Variants in RAB3GAP2 observed in about 807,000 individuals in gnomAD.
The protein encoded by RAB3GAP2 is RAB3 GTPase activating non-catalytic protein subunit 2.
In RAB3GAP2, 87 loss-of-function variants were observed where a neutral mutation model predicts 185.3. The ratio of observed to expected loss-of-function variants is 0.47; its 90% confidence interval spans 0.39 to 0.56. The LOEUF is 0.56. RAB3GAP2 is among the 20% of genes least tolerant of loss of function. The pLI is 0.00. For synonymous variants in RAB3GAP2, 554 were observed against 576.1 expected, an observed-to-expected ratio of 0.96 and a Z score of 0.55; for missense variants, 1,492 against 1,638.2, an observed-to-expected ratio of 0.91 and a Z score of 1.54.
At chr1:220,159,359 A>G (rs770025551) in intron 29 of RAB3GAP2, 27 bp downstream of exon 29, 2 of 1,588,694 alleles carry the variant, frequency 1.3e-6, no homozygotes, top group African/African-American at 2.7e-5. Flanking sequence ...TAACAACCAT[A>G]ATTCTAGCTA....
chr1:220,267,336 G>A, intron 1 of RAB3GAP2: 1 of 1,072,896 alleles, frequency 9.3e-7, no homozygotes, highest in Non-Finnish European at 1.5e-6. Flanking sequence ...CATACAGTCT[G>A]ATTATATTAG....
chr1:220,254,443 C>T, intron 1 of RAB3GAP2: 2 of 1,613,196 alleles, frequency 1.2e-6, no homozygotes, highest in Non-Finnish European at 1.7e-6. Flanking sequence ...CAATTATCTT[C>T]ACGATTTCCT....
intron 8 of RAB3GAP2, among the ~76,000 whole-genome samples, chr1:220,205,060 C>T (rs974567396): frequency 1.3e-5 from 2 of 151,994 alleles, no homozygotes; most frequent in Non-Finnish European, 1.5e-5. Flanking sequence ...TAAGACTCTT[C>T]CATATTTTCA....
chr1:220,228,594 TCTTGAACAACCAGGATAA>T (rs1659444879), intron 2 of RAB3GAP2, among the ~76,000 whole-genome samples: 1 of 152,174 alleles, frequency 6.6e-6, no homozygotes, highest in Non-Finnish European at 1.5e-5. Flanking sequence ...AAAGAGGCTC[TCTTGAACAACCAGGATAA>T]CTTGAACAAC....
At chr1:220,232,772 A>C (rs780361128) in intron 2 of RAB3GAP2, 27 bp downstream of exon 2, 1 of 1,582,872 alleles carries the variant, frequency 6.3e-7, no homozygotes. Flanking sequence ...ACTATCAAAA[A>C]ACATGCATAT....
chr1:220,238,349 A>G (rs1392771571), intron 1 of RAB3GAP2, among the ~76,000 whole-genome samples: 1 of 152,202 alleles, frequency 6.6e-6, no homozygotes, highest in Non-Finnish European at 1.5e-5. Flanking sequence ...TGGCTACAGT[A>G]TAAGACAGCT....
intron 1 of RAB3GAP2, among the ~76,000 whole-genome samples, chr1:220,264,734 A>G (rs1398602522): frequency 6.6e-6 from 1 of 152,002 alleles, no homozygotes; most frequent in African/African-American, 2.4e-5. Flanking sequence ...TTTTCTCTCC[A>G]TCTGATGGAC....
At chr1:220,269,238 G>C (rs1423338941) in intron 1 of RAB3GAP2, among the ~76,000 whole-genome samples, 1 of 152,164 alleles carries the variant, frequency 6.6e-6, no homozygotes, top group Non-Finnish European at 1.5e-5. Context: ...AACAGTGAGG[G>C]CAAAAACCTT....
At position 220,272,275 on chromosome 1, in the gene RAB3GAP2, G is replaced by C; in HGVS notation, c.63C>G (p.Leu21=). The C allele has an allele frequency of 1.2e-6, 2 of 1,612,586 alleles. No individual in the cohort carries two copies. The highest frequency in any genetic ancestry group is 1.7e-6 in the Non-Finnish European group (2 of 1,179,712). The change falls in exon 1 of 35, where the codon CTC becomes CTG. Residue 21 remains leucine, a synonymous_variant. Transcript: ENST00000358951. ...GGATCTCCTCCCGCAGGTGAGGAAA[G>C]AGGAAGTCCCGGGCGGCCTGGAGGT... ...FQDLQAARDF[L]FPHLREEILS...
chr1:220,207,985 A>C (rs979087826), intron 7 of RAB3GAP2: 1 of 152,244 alleles, frequency 6.6e-6, no homozygotes, highest in Non-Finnish European at 1.5e-5. Flanking sequence ...AGTATATTAA[A>C]AAGAAGCAAA....
chr1:220,256,012 T>C (rs974708526), intron 1 of RAB3GAP2, among the ~76,000 whole-genome samples: 2 of 151,674 alleles, frequency 1.3e-5, no homozygotes, highest in African/African-American at 2.4e-5. Flanking sequence ...AAAGAAAAAA[T>C]GTTAAGGACA....
intron 9 of RAB3GAP2, 53 bp from the exon 10 acceptor site, chr1:220,196,451 A>G: frequency 6.7e-7 from 1 of 1,491,600 alleles, no homozygotes; most frequent in Non-Finnish European, 9.3e-7. Flanking sequence ...CGGTCATTAC[A>G]TTTTTACTTC....
intron 8 of RAB3GAP2, among the ~76,000 whole-genome samples, chr1:220,203,016 C>T (rs1173400148): frequency 2.6e-5 from 4 of 152,160 alleles, no homozygotes; most frequent in Non-Finnish European, 5.9e-5. Context: ...AGCAATTTCT[C>T]CCTCTTGACA....
intron 2 of RAB3GAP2, among the ~76,000 whole-genome samples, chr1:220,216,858 A>T (rs904983628): frequency 6.6e-6 from 1 of 152,122 alleles, no homozygotes; most frequent in African/African-American, 2.4e-5. Flanking sequence ...TAATCAGTAA[A>T]TCCTAAAAAT....
intron 1 of RAB3GAP2, among the ~76,000 whole-genome samples, chr1:220,249,336 C>A (rs1359339805): frequency 2.0e-5 from 3 of 152,066 alleles, no homozygotes; most frequent in Non-Finnish European, 4.4e-5. Context: ...AAGGAGATGA[C>A]AAACTTCTTG....
Position 220,210,430 on chromosome 1 carries a change from G to A in RAB3GAP2, c.570C>T (p.Cys190=). 1 of 1,614,078 alleles carries A rather than the reference G, an allele frequency of 6.2e-7. No homozygotes were observed. Among genetic ancestry groups the A allele is most frequent in the South Asian group, 1.1e-5 (1 of 91,084 alleles). The part of the protein sequence containing the change: ...LNEDPVLQLK[C]RTYEIPRHPG... ...GATGTCGTGGTATTTCATAGGTTCT[G>A]CATTTAAGTTGAAGTACTGGGTCCT... Residue 190 remains cysteine (C), a synonymous_variant, in exon 7 of 35, where the codon TGC becomes TGT. Transcript: ENST00000358951.
At chr1:220,202,524 T>C (rs1272864563) in intron 8 of RAB3GAP2, 150 bp from the exon 9 acceptor site, 14 of 822,952 alleles carry the variant, frequency 1.7e-5, no homozygotes, top group Non-Finnish European at 2.5e-5. Flanking sequence ...TGAGATTTAT[T>C]CACACCAAGA....
chr1:220,151,916 C>A, intron 33 of RAB3GAP2, 152 bp from the exon 34 acceptor site: 1 of 892,068 alleles, frequency 1.1e-6, no homozygotes, highest in Non-Finnish European at 1.7e-6. Flanking sequence ...AAATCCAAAT[C>A]AAACTTAGCA....
intron 2 of RAB3GAP2, among the ~76,000 whole-genome samples, chr1:220,226,062 G>A (rs1659396995): frequency 6.6e-6 from 1 of 152,100 alleles, no homozygotes; most frequent in Non-Finnish European, 1.5e-5. Flanking sequence ...AAAACAGATG[G>A]AGCACATTTC....
Sources: allele counts gnomAD v4.1 joint callset (sites outside exome capture counted in the v4.1 genomes callset), GRCh38; gene constraint gnomAD v4.1.1; transcripts MANE v1.5; gene names NCBI Gene and HGNC (gene_info 2026-07-23, HGNC 2026-07-21).